The following ERICH3 variants were observed in gnomAD, a reference collection of about 807,000 sequenced individuals.
ERICH3 encodes the protein glutamate rich 3.
In ERICH3, 126 loss-of-function variants were observed where a neutral mutation model predicts 131.1. The observed-to-expected ratio is 0.96, with a 90% CI of 0.83 to 1.11. The LOEUF (loss-of-function observed/expected upper bound fraction) is 1.11. ERICH3 is among the 50% of genes most tolerant of loss of function. The probability of loss-of-function intolerance (pLI) is 0.00; values close to 1 mark genes in which losing one functional copy is unlikely to be tolerated. For synonymous variants in ERICH3, 695 were observed against 644.6 expected (o/e 1.08, Z -1.18); for missense variants, 2,050 against 1,810.7 (o/e 1.13, Z -2.40).
Position 74,584,169 on chromosome 1 carries a change from T to G in ERICH3, c.2176+5462A>C, listed in dbSNP as rs1055211828. Among the ~76,000 whole-genome samples the G allele has an allele frequency of 3.3e-5, 5 of 152,210 alleles. No homozygotes were observed. In the South Asian group the frequency reaches 1.0e-3, roughly 32 times the overall value. ...CAGTGAAGATGTTCTTCTGTCATCT[T>G]TGACATTGATGCATGGCCCACAAAA... On this transcript the variant is annotated intron_variant, in intron 12 of 14. Transcript: ENST00000326665.
At position 74,572,465 on chromosome 1, in the gene ERICH3, C is replaced by T. The variant is rs757739631; in HGVS notation, c.3245G>A (p.Arg1082Lys). Residue 1082 changes from arginine (R) to lysine (K), a missense_variant, in exon 14 of 15, where the codon AGG (arginine) becomes AAG (lysine). Physicochemically the swap from Arg to Lys is conservative, Grantham distance 26. Coordinates refer to ENST00000326665, the MANE Select transcript of ERICH3 (RefSeq NM_001002912.5). ...KTDSEREEVTRANALKDEDAF... is the reference protein window; with the variant it reads ...KTDSEREEVTKANALKDEDAF... ...ATCTTCATCCTTGAGTGCATTTGCC[C>T]TTGTCACCTCTTCTCTCTCAGAGTC... 1 of 1,614,060 alleles carries T rather than the reference C, an allele frequency of 6.2e-7. No homozygotes were observed. The highest frequency in any genetic ancestry group is 1.1e-5 in the South Asian group (1 of 91,070).
chr1:74,657,100 T>C (rs6662205), intron 1 of ERICH3, among the ~76,000 whole-genome samples: 1 of 152,208 alleles, frequency 6.6e-6, no homozygotes, highest in Non-Finnish European at 1.5e-5. Flanking sequence ...ATCACCTTTC[T>C]TTTCTGCTTC....
chr1:74,636,332 C>T lies in ERICH3; in HGVS notation c.551G>A (p.Arg184Lys), dbSNP rs752290618. 1.2e-6 allele frequency: 2 copies of T among 1,612,576 alleles called. No homozygotes were observed. The highest frequency in any genetic ancestry group is 1.7e-6 in the Non-Finnish European group (2 of 1,179,024). The change falls in exon 6 of 15, where the codon AGG becomes AAG. Residue 184 changes from arginine (R) to lysine (K), a missense_variant. Transcript: ENST00000326665. Reference protein sequence around the residue: ...AVETVPKVTSRSRSKTSLLEN... With the variant: ...AVETVPKVTSKSRSKTSLLEN... The stretch of plus-strand genomic sequence containing the variant: ...CAGCAATGAGGTTTTTGATCTGGAC[C>T]TTGAAGTTACCTTTGGAACAGTTTC...
At chr1:74,570,983 A>C (rs1570781674) in intron 14 of ERICH3, 116 bp downstream of exon 14, 1 of 1,342,266 alleles carries the variant, frequency 7.5e-7, no homozygotes, top group Non-Finnish European at 1.0e-6. Flanking sequence ...ACAGAATTGA[A>C]GCCTGTGTGT....
chr1:74,662,486 A>G (rs1253002647), intron 1 of ERICH3, among the ~76,000 whole-genome samples: 1 of 152,158 alleles, frequency 6.6e-6, no homozygotes, highest in Admixed American at 6.6e-5. Flanking sequence ...ACTCATTTTT[A>G]TAAAGGCTTA....
chr1:74,668,225 T>G (rs1646709666), intron 1 of ERICH3, among the ~76,000 whole-genome samples: 1 of 152,230 alleles, frequency 6.6e-6, no homozygotes, highest in African/African-American at 2.4e-5. Context: ...TCCCTTAAAA[T>G]TGATCTTCCT....
intron 1 of ERICH3, among the ~76,000 whole-genome samples, chr1:74,652,830 T>C (rs1646549352): frequency 6.6e-6 from 1 of 152,150 alleles, no homozygotes; most frequent in South Asian, 2.1e-4. Flanking sequence ...AACACGTTTG[T>C]TTCTTTATGT....
chr1:74,618,860 G>T (rs891149651), intron 8 of ERICH3, among the ~76,000 whole-genome samples: 4 of 152,130 alleles, frequency 2.6e-5, no homozygotes, highest in African/African-American at 9.7e-5. Flanking sequence ...AATGTTAAAT[G>T]CTCCCCCTCC....
chr1:74,573,297 G>A lies in ERICH3; in HGVS notation c.2413C>T (p.His805Tyr). 6.2e-7 allele frequency: 1 copy of A among 1,601,256 alleles called. No homozygotes were observed. The highest frequency in any genetic ancestry group is 8.5e-7 in the Non-Finnish European group (1 of 1,174,758). The change falls in exon 14 of 15, where the codon CAT becomes TAT. Residue 805 changes from histidine to tyrosine, a missense_variant. Transcript: ENST00000326665. ...TTCCACGCCCTCAAGGGAGCCTCAT[G>A]AACAGCTCCTGCTTCTCCCCACAGT... ...AALWGEAGAV[H>Y]EAPLRAWKPT... is the part of the protein sequence containing the mutation.
chr1:74,667,071 T>C (rs1646699249), intron 1 of ERICH3, among the ~76,000 whole-genome samples: 1 of 151,182 alleles, frequency 6.6e-6, no homozygotes, highest in Non-Finnish European at 1.5e-5. Context: ...ATGAAATAAC[T>C]GTATATGAAT....
chr1:74,639,585 T>C (rs1646420044), intron 5 of ERICH3, among the ~76,000 whole-genome samples: 1 of 152,204 alleles, frequency 6.6e-6, no homozygotes, highest in Non-Finnish European at 1.5e-5. Context: ...TGAAATTAAC[T>C]ACCTGGTGAT....
chr1:74,599,861 ATCAGCCTGTCCT>A lies in ERICH3; in HGVS notation c.1548_1559del (p.Glu516_Ala519del). 6.2e-7 allele frequency: 1 copy of A among 1,612,408 alleles called. No individual in the cohort carries two copies. The highest frequency in any genetic ancestry group is 8.5e-7 in the Non-Finnish European group (1 of 1,178,936). ...ACTGCGGTATTCCATTCATTTGAAC[ATCAGCCTGTCCT>A]TCTTCATTAGATTTTTCACCTTGTT... On this transcript the variant is annotated inframe_deletion, in exon 11 of 15. Coordinates refer to ENST00000326665, the MANE Select transcript of ERICH3 (RefSeq NM_001002912.5).
intron 6 of ERICH3, chr1:74,634,580 T>C (rs551711465): frequency 4.3e-5 from 29 of 677,618 alleles, no homozygotes; most frequent in East Asian, 3.6e-4. Flanking sequence ...TAATACCTGA[T>C]TGATGGTGTT....
chr1:74,572,905 A>T lies in ERICH3; in HGVS notation c.2805T>A (p.Gly935=), dbSNP rs1403371817. Residue 935 remains glycine (G), a synonymous_variant, in exon 14 of 15, where the codon GGT becomes GGA. Transcript: ENST00000326665. ...AATSEEGEAE[G]GVAVSDVGES... is the part of the protein sequence containing the mutation. The stretch of plus-strand genomic sequence containing the variant: ...CTCCGACATCACTCACAGCCACCCC[A>T]CCCTCAGCCTCTCCCTCCTCCGATG... The T allele has an allele frequency of 6.2e-7, 1 of 1,612,654 alleles. No individual in the cohort carries two copies. Among genetic ancestry groups the T allele is most frequent in the Admixed American group, 1.7e-5 (1 of 59,892 alleles).
chr1:74,623,275 G>C (rs953383627), intron 7 of ERICH3: 1 of 152,132 alleles, frequency 6.6e-6, no homozygotes, highest in Admixed American at 6.5e-5. Context: ...TCTCAGGCAA[G>C]TACAACTGAG....
intron 1 of ERICH3, among the ~76,000 whole-genome samples, chr1:74,658,019 G>C (rs755554743): frequency 1.3e-5 from 2 of 152,138 alleles, no homozygotes; most frequent in Non-Finnish European, 2.9e-5. Context: ...AATTTTTGTA[G>C]TGCATAGAGT....
At chr1:74,646,818 T>C (rs780418920) in intron 2 of ERICH3, 26 bp from the exon 3 acceptor site, 2 of 1,320,250 alleles carry the variant, frequency 1.5e-6, no homozygotes, top group African/African-American at 3.1e-5. Flanking sequence ...AAAATATACA[T>C]AGAAATATAA....
rs201091295 is a variant in ERICH3, at chr1:74,572,993, T to C, written c.2717A>G (p.Asn906Ser). 8 of 1,614,158 alleles carry C rather than the reference T, an allele frequency of 5.0e-6. No homozygotes were observed. Among genetic ancestry groups the C allele is most frequent in the East Asian group, 2.2e-5 (1 of 44,868 alleles). Residue 906 changes from asparagine to serine, a missense_variant, in exon 14 of 15, where the codon AAT (asparagine) becomes AGT (serine). Asn to Ser is a conservative substitution (Grantham distance 46). Transcript: ENST00000326665. ...CTCCAAGTTCAGGGCTGCTGCTTCA[T>C]TTGCAAGCACTGCCTTCTCTAAACC... Reference protein sequence around the residue: ...EQGLEKAVLANEAAALNLEHL... With the variant: ...EQGLEKAVLASEAAALNLEHL...
intron 7 of ERICH3, among the ~76,000 whole-genome samples, chr1:74,630,072 T>C (rs1306223999): frequency 6.6e-6 from 1 of 152,204 alleles, no homozygotes; most frequent in Non-Finnish European, 1.5e-5. Flanking sequence ...GTGAGACATT[T>C]AAACTTGTGT....
Sources: gnomAD v4.1 joint callset for allele counts (sites outside exome capture counted in the v4.1 genomes callset) on GRCh38, gnomAD v4.1.1 for gene constraint, MANE v1.5 for transcripts, NCBI Gene and HGNC (gene_info 2026-07-23, HGNC 2026-07-21) for gene names.